RGL1: variants seen among roughly 807,000 people sequenced by gnomAD.
RGL1 encodes ral guanine nucleotide dissociation stimulator-like 1.
In RGL1, 24 loss-of-function variants were observed where a neutral mutation model predicts 95.2. The ratio of observed to expected loss-of-function variants is 0.25; its 90% CI spans 0.18 to 0.35. The LOEUF (loss-of-function observed/expected upper bound fraction) is 0.35, where lower values mean the gene tolerates loss of function less well. Ranked by LOEUF, RGL1 falls within the 10% of genes least tolerant of loss-of-function variation. The pLI, the probability that RGL1 is intolerant of heterozygous loss-of-function variation, is 1.00. For missense variants in RGL1, 715 were observed against 936.3 expected (o/e 0.76, Z 3.08); for synonymous variants, 329 against 344.9 (o/e 0.95, Z 0.51).
intron 9 of RGL1, among the ~76,000 whole-genome samples, chr1:183,897,420 A>G (rs1037219555): frequency 6.6e-5 from 10 of 152,142 alleles, no homozygotes; most frequent in African/African-American, 2.4e-4. Flanking sequence ...GTGGTGGCGC[A>G]TTCCTCTAAT....
chr1:183,679,630 GT>G (rs1405862988), intron 1 of RGL1, among the ~76,000 whole-genome samples: 10 of 152,012 alleles, frequency 6.6e-5, no homozygotes, highest in Admixed American at 6.6e-4. Flanking sequence ...GGGCATTTAG[GT>G]TGGTTCCAAG....
At chr1:183,893,245 T>TA (rs1265268624) in intron 9 of RGL1, among the ~76,000 whole-genome samples, 1 of 152,220 alleles carries the variant, frequency 6.6e-6, no homozygotes, top group African/African-American at 2.4e-5. Context: ...AATAGTGTGA[T>TA]AGGTCCTACC....
chr1:183,902,707 A>C, intron 12 of RGL1, 107 bp downstream of exon 12: 1 of 1,003,662 alleles, frequency 1.0e-6, no homozygotes, highest in Non-Finnish European at 1.5e-6. Flanking sequence ...GTTAGCACCT[A>C]CTGAACGTTT....
chr1:183,895,658 C>G (rs1392122360), intron 9 of RGL1, among the ~76,000 whole-genome samples: 3 of 152,136 alleles, frequency 2.0e-5, no homozygotes, highest in South Asian at 2.1e-4. Flanking sequence ...CCTATGAAAA[C>G]TTTCAAGAAG....
At chr1:183,646,032 A>G (rs1650269237) in intron 1 of RGL1, among the ~76,000 whole-genome samples, 2 of 152,214 alleles carry the variant, frequency 1.3e-5, no homozygotes, top group Admixed American at 1.3e-4. Flanking sequence ...GATTCTCTGT[A>G]GCCTGGTTCA....
chr1:183,654,195 G>A (rs990077550), intron 1 of RGL1, among the ~76,000 whole-genome samples: 20 of 152,094 alleles, frequency 1.3e-4, no homozygotes, highest in African/African-American at 4.3e-4. Flanking sequence ...CCTACTAGAC[G>A]AGATGTTTTT....
At chr1:183,811,719 A>G (rs529550491) in intron 2 of RGL1, among the ~76,000 whole-genome samples, 21 of 152,314 alleles carry the variant, frequency 1.4e-4, no homozygotes, top group African/African-American at 3.6e-4. Flanking sequence ...TGTGTTAGGA[A>G]TATGTGACAT....
chr1:183,878,794 G>C lies in RGL1; in HGVS notation c.426-1822G>C, dbSNP rs148862367. On this transcript the variant is annotated intron_variant, in intron 4 of 17. Coordinates refer to ENST00000360851, the MANE Select transcript of RGL1 (RefSeq NM_001297671.3). ...GTTCTTTTCAGTGAAACACTGTCTT[G>C]TTGTTAGGCTGCTACTGTTTTTGAC... 3.7e-3 allele frequency among the ~76,000 whole-genome samples: 563 copies of C among 152,176 alleles called. 4 individuals carry two copies. The highest frequency in any genetic ancestry group is 0.013 in the African/African-American group (547 of 41,510).
At chr1:183,863,898 T>TACCA (rs1665669891) in intron 3 of RGL1, among the ~76,000 whole-genome samples, 3 of 152,228 alleles carry the variant, frequency 2.0e-5, no homozygotes, top group Non-Finnish European at 4.4e-5. Flanking sequence ...TGTGGTCTTC[T>TACCA]GAGCCATTGC....
Position 183,755,883 on chromosome 1 carries a change from C to CTT in RGL1, c.132+13610_132+13611dup, listed in dbSNP as rs533584889. On this transcript the variant is annotated intron_variant, in intron 2 of 18. Coordinates refer to the RGL1 transcript ENST00000304685. ...CACTGAGCTGATAGTTGAGTTCATT[C>CTT]TTTTTTTTTTTTTTTTTGACACAGA... 6.2e-4 allele frequency among the ~76,000 whole-genome samples: 84 copies of CTT among 136,448 alleles called. 1 individual carries two copies. The highest frequency in any genetic ancestry group is 3.8e-3 in the Middle Eastern group (1 of 262). The allele number at this position is 136,448 out of a possible 152,430, so 89.5% of individuals were successfully genotyped here. A position where few individuals can be genotyped will look rare whatever the true frequency, so the allele number is the denominator to read the frequency against.
chr1:183,799,249 T>C (rs1017538047), intron 2 of RGL1, among the ~76,000 whole-genome samples: 9 of 152,180 alleles, frequency 5.9e-5, no homozygotes, highest in African/African-American at 2.2e-4. Context: ...ATTTTGACTA[T>C]TGTGAATAAT....
chr1:183,756,843 A>T (rs1658367188), intron 2 of RGL1, among the ~76,000 whole-genome samples: 2 of 151,808 alleles, frequency 1.3e-5, no homozygotes, highest in Non-Finnish European at 2.9e-5. Flanking sequence ...AAGCACTGGT[A>T]CTACTAGACA....
In RGL1 at chr1:183,675,056, G is replaced by T. The variant is rs113775287; in HGVS notation, c.-33+38555G>T. Among the ~76,000 whole-genome samples the T allele has an allele frequency of 2.0e-3, 300 of 152,284 alleles. 1 individual carries two copies. Among genetic ancestry groups the T allele is most frequent in the African/African-American group, 6.7e-3 (280 of 41,562 alleles). Reference sequence around the variant, plus strand: ...TTTATGAGCCAATCTCAGCTCTTCTGTTCTGAGCTGATCATCCAGAATGAT... The same window carrying T: ...TTTATGAGCCAATCTCAGCTCTTCTTTTCTGAGCTGATCATCCAGAATGAT... On this transcript the variant is annotated intron_variant, in intron 1 of 18. Coordinates refer to the RGL1 transcript ENST00000304685.
rs148871218 is a variant in RGL1 at position 183,648,299 on chromosome 1, C to T, written c.-33+11798C>T. 35 of 1,614,092 alleles carry T rather than the reference C, an allele frequency of 2.2e-5. No individual in the cohort carries two copies. The African/African-American group carries it at 3.5e-4, about 16-fold the overall frequency. On this transcript the variant is annotated intron_variant, in intron 1 of 18. Coordinates refer to the RGL1 transcript ENST00000304685. ...TCCATGCTGAGGCAGGAAAGTCCAT[C>T]TCAGTATGATAGAGCTGAGAAAAAT...
chr1:183,741,582 A>T (rs77320895), intron 1 of RGL1, among the ~76,000 whole-genome samples: 6,626 of 152,310 alleles, frequency 0.044, 182 homozygotes, highest in East Asian at 0.08. Context: ...AATACATCAT[A>T]TTGTTAATAC....
At chr1:183,731,436 T>C (rs1572342163) in intron 1 of RGL1, among the ~76,000 whole-genome samples, 2 of 152,144 alleles carry the variant, frequency 1.3e-5, no homozygotes, top group East Asian at 3.9e-4. Context: ...AAATAGAATA[T>C]GAAGGGAGGT....
In RGL1 at chr1:183,880,601, A is replaced by G. The variant is rs938315867; in HGVS notation, c.426-15A>G. 4 of 1,612,242 alleles carry G rather than the reference A, an allele frequency of 2.5e-6. No homozygotes were observed. Among genetic ancestry groups the G allele is most frequent in the Non-Finnish European group, 3.4e-6 (4 of 1,179,250 alleles). ...AGCCAGTTGGGTGCAGTGACTCTCC[A>G]TTTGTCTTTCTCAGTGCAATCGCTT... On this transcript the variant is annotated splice_polypyrimidine_tract_variant and intron_variant, in intron 4 of 17. Transcript: ENST00000360851.
At chr1:183,859,733 A>G (rs768200377) in intron 3 of RGL1, among the ~76,000 whole-genome samples, 3 of 152,140 alleles carry the variant, frequency 2.0e-5, no homozygotes, top group Non-Finnish European at 4.4e-5. Context: ...TCTCGGCTCA[A>G]TCTTCTTGGC....
At chr1:183,865,239 A>T (rs1364259013) in intron 3 of RGL1, among the ~76,000 whole-genome samples, 1 of 152,208 alleles carries the variant, frequency 6.6e-6, no homozygotes, top group Non-Finnish European at 1.5e-5. Context: ...CTAGCAGTGT[A>T]AGTAGGGACT....
Sources: gnomAD v4.1 joint callset for allele counts (sites outside exome capture counted in the v4.1 genomes callset) on GRCh38, gnomAD v4.1.1 for gene constraint, MANE v1.5 for transcripts, NCBI Gene and HGNC (gene_info 2026-07-23, HGNC 2026-07-21) for gene names.